Variants in DMD observed in about 807,000 individuals in gnomAD.
DMD encodes the protein dystrophin.
In DMD, 63 loss-of-function variants were observed where a neutral mutation model predicts 330.1. That is an observed-to-expected ratio of 0.19 (90% CI 0.16 to 0.24). The LOEUF (loss-of-function observed/expected upper bound fraction) is 0.24, where lower values mean the gene tolerates loss of function less well. Among genes scored for constraint, DMD ranks in the 10% least tolerant of loss-of-function variants. DMD has a pLI of 1.00. For synonymous variants in DMD, 1,223 were observed against 959.8 expected (o/e 1.27, Z -5.07); for missense variants, 3,344 against 2,684.1 (o/e 1.25, Z -5.43).
intron 59 of DMD, among the ~76,000 whole-genome samples, chrX:31,451,835 T>TA (rs34070592): frequency 0.17 from 17,184 of 101,209 alleles, 1,457 homozygotes; most frequent in African/African-American, 0.29. Flanking sequence ...AAACGTACTT[T>TA]AAAAAAAAAA....
At chrX:31,834,256 G>A (rs899040443) in intron 49 of DMD, among the ~76,000 whole-genome samples, 3 of 111,214 alleles carry the variant, frequency 2.7e-5, no homozygotes, top group Non-Finnish European at 5.7e-5. Flanking sequence ...TGTATTGCTG[G>A]GTGTCATGTT....
At chrX:33,107,008 A>G (rs2095293564) in intron 1 of DMD, among the ~76,000 whole-genome samples, 1 of 111,703 alleles carries the variant, frequency 9.0e-6, no homozygotes, top group Non-Finnish European at 1.9e-5. Flanking sequence ...TAAAAGAGAA[A>G]GCTTTCGAAA....
intron 55 of DMD, among the ~76,000 whole-genome samples, chrX:31,599,811 A>G (rs928413283): frequency 3.6e-5 from 4 of 112,258 alleles, no homozygotes; most frequent in African/African-American, 1.3e-4. Flanking sequence ...TTCATAATAA[A>G]CAATTTCTGA....
intron 2 of DMD, among the ~76,000 whole-genome samples, chrX:32,927,359 CTTTCTTT>C (rs1440048739): frequency 1.6e-5 from 1 of 62,161 alleles, no homozygotes; most frequent in Non-Finnish European, 2.8e-5. Context: ...TTCCTTCTTT[CTTTCTTT>C]TTTTTTTTTT....
At chrX:32,016,845 A>C (rs1269381533) in intron 44 of DMD, among the ~76,000 whole-genome samples, 1 of 112,722 alleles carries the variant, frequency 8.9e-6, no homozygotes, top group Non-Finnish European at 1.9e-5. Flanking sequence ...TTTCTGTAAA[A>C]TGGGCTGTTA....
intron 45 of DMD, among the ~76,000 whole-genome samples, chrX:31,949,942 A>G (rs1467378125): frequency 9.2e-6 from 1 of 109,186 alleles, no homozygotes; most frequent in Admixed American, 9.8e-5. Context: ...AAATATTTTC[A>G]AAGATTAATG....
At chrX:32,484,470 T>C (rs1240724342) in intron 21 of DMD, among the ~76,000 whole-genome samples, 1 of 112,353 alleles carries the variant, frequency 8.9e-6, no homozygotes, top group Non-Finnish European at 1.9e-5. Context: ...AAGAATAATT[T>C]GTCCTTTGCT....
intron 47 of DMD, among the ~76,000 whole-genome samples, chrX:31,887,690 G>A (rs2094175637): frequency 9.0e-6 from 1 of 111,508 alleles, no homozygotes; most frequent in Admixed American, 9.5e-5. Context: ...AATTACCTGG[G>A]CTACTTCATT....
chrX:33,131,406 A>T (rs1007324941), intron 1 of DMD, among the ~76,000 whole-genome samples: 19 of 111,979 alleles, frequency 1.7e-4, no homozygotes, highest in African/African-American at 6.2e-4. Context: ...GAGAATCTGT[A>T]CCCATTGACA....
At chrX:32,167,056 C>T (rs1046378543) in intron 44 of DMD, among the ~76,000 whole-genome samples, 3 of 111,346 alleles carry the variant, frequency 2.7e-5, no homozygotes, top group African/African-American at 9.8e-5. Flanking sequence ...ATGATCTGCT[C>T]GATGCTCTCT....
chrX:32,731,461 G>C lies in DMD; in HGVS notation c.650-32168C>G, dbSNP rs909758004. Among the ~76,000 whole-genome samples the C allele has an allele frequency of 4.4e-5, 5 of 112,839 alleles. No homozygotes were observed. The East Asian group carries it at 1.4e-3, about 32-fold the overall frequency. ...TGTAGGCTCCACCTCTGAGGGCAGGGCACAGACAAACAAAAAGACAGCAGT... is the reference window on the plus strand; with the variant it reads ...TGTAGGCTCCACCTCTGAGGGCAGGCCACAGACAAACAAAAAGACAGCAGT... On this transcript the variant is annotated intron_variant, in intron 7 of 78. Coordinates refer to ENST00000357033, the MANE Select transcript of DMD (RefSeq NM_004006.3).
chrX:32,766,658 C>A (rs1159094179), intron 7 of DMD, among the ~76,000 whole-genome samples: 1 of 111,141 alleles, frequency 9.0e-6, no homozygotes, highest in Non-Finnish European at 1.9e-5. Context: ...AAAATTTTTG[C>A]ATACACTCTT....
intron 2 of DMD, among the ~76,000 whole-genome samples, chrX:33,007,786 T>C (rs891857963): frequency 1.7e-4 from 19 of 111,502 alleles, no homozygotes; most frequent in African/African-American, 6.2e-4. Context: ...ATATAAATTA[T>C]TTGTAAAGGA....
intron 62 of DMD, among the ~76,000 whole-genome samples, chrX:31,288,056 T>C (rs1451655529): frequency 9.0e-6 from 1 of 111,285 alleles, no homozygotes; most frequent in African/African-American, 3.3e-5. Context: ...CCCAAGCCAA[T>C]TGACTGTGTG....
At chrX:32,922,621 G>A (rs1456774449) in intron 2 of DMD, among the ~76,000 whole-genome samples, 2 of 112,147 alleles carry the variant, frequency 1.8e-5, no homozygotes, top group African/African-American at 3.2e-5. Flanking sequence ...TAGGGTTCTC[G>A]CTCCTATGAG....
chrX:33,266,590 T>G (rs747558577), intron 1 of DMD, among the ~76,000 whole-genome samples: 9 of 12,278 alleles, frequency 7.3e-4, no homozygotes, highest in East Asian at 4.0e-3. Flanking sequence ...AAGTCTTGGA[T>G]TTTTTCATCA....
intron 2 of DMD, among the ~76,000 whole-genome samples, chrX:32,856,350 T>C (rs1214621379): frequency 8.9e-6 from 1 of 112,024 alleles, no homozygotes. Context: ...CAAAGAAATA[T>C]CTGCACCCTC....
chrX:33,014,759 A>G (rs1212057015), intron 2 of DMD, among the ~76,000 whole-genome samples: 1 of 106,698 alleles, frequency 9.4e-6, no homozygotes, highest in Non-Finnish European at 1.9e-5. Flanking sequence ...TCATAAATAT[A>G]TGCATTTTTC....
chrX:31,384,252 G>A (rs191225106), intron 60 of DMD, among the ~76,000 whole-genome samples: 12 of 111,069 alleles, frequency 1.1e-4, no homozygotes, highest in African/African-American at 3.6e-4. Context: ...TGCCAGCACC[G>A]AAGCGGCTAT....
Sources: allele counts gnomAD v4.1 joint callset (sites outside exome capture counted in the v4.1 genomes callset), GRCh38; gene constraint gnomAD v4.1.1; transcripts MANE v1.5; gene names NCBI Gene and HGNC (gene_info 2026-07-23, HGNC 2026-07-21).